LARGE1: variants seen among roughly 807,000 people sequenced by gnomAD.
LARGE1 encodes the protein xylosyl- and glucuronyltransferase LARGE1.
LARGE1 carries 43 observed loss-of-function variants against 87.6 expected under a neutral mutation model. That is an observed-to-expected ratio of 0.49 (90% confidence interval 0.38 to 0.63). The LOEUF is 0.63. Among genes scored for constraint, LARGE1 ranks in the 30% least tolerant of loss-of-function variants. The pLI is 0.00. For synonymous variants in LARGE1, 434 were observed against 394.6 expected, an observed-to-expected ratio of 1.10 and a Z score of -1.18; for missense variants, 802 against 1,000.2, an observed-to-expected ratio of 0.80 and a Z score of 2.67.
At chr22:33,147,906 T>A in the LARGE1 span, among the ~76,000 whole-genome samples, 2 of 152,188 alleles carry the variant, frequency 1.3e-5, no homozygotes, top group African/African-American at 2.4e-5. Context: ...CTGTTCCCCA[T>A]CTGCTATGGT....
chr22:33,362,490 C>G (rs535093965), intron 9 of LARGE1, among the ~76,000 whole-genome samples: 1 of 149,670 alleles, frequency 6.7e-6, no homozygotes, highest in Non-Finnish European at 1.5e-5. Context: ...TCTTAACCAA[C>G]CTCTACTTAG....
chr22:33,705,553 C>T (rs2082536491), intron 2 of LARGE1, among the ~76,000 whole-genome samples: 1 of 152,198 alleles, frequency 6.6e-6, no homozygotes, highest in Admixed American at 6.5e-5. Flanking sequence ...CCCCATTTCA[C>T]TGATGAGGAA....
intron 1 of LARGE1, among the ~76,000 whole-genome samples, chr22:33,786,239 A>G (rs1263211931): frequency 6.6e-6 from 1 of 152,174 alleles, no homozygotes; most frequent in Non-Finnish European, 1.5e-5. Context: ...TTTTTACTAT[A>G]CATTCATTTT....
chr22:33,595,692 T>C (rs930647967), intron 5 of LARGE1, among the ~76,000 whole-genome samples: 3 of 152,242 alleles, frequency 2.0e-5, no homozygotes, highest in African/African-American at 7.2e-5. Context: ...ATGCACACTG[T>C]GTAGCTCAAA....
chr22:33,846,490 A>C (rs1255284527), intron 1 of LARGE1, among the ~76,000 whole-genome samples: 1 of 152,154 alleles, frequency 6.6e-6, no homozygotes. Context: ...AACAATATGA[A>C]ATCTGGGCAC....
chr22:33,852,762 A>C (rs2063632809), intron 1 of LARGE1, among the ~76,000 whole-genome samples: 1 of 148,510 alleles, frequency 6.7e-6, no homozygotes, highest in Non-Finnish European at 1.5e-5. Flanking sequence ...AGGCTGAGGC[A>C]GGAGAATTGC....
chr22:33,424,233 G>A (rs1312055262), intron 7 of LARGE1, among the ~76,000 whole-genome samples: 1 of 152,196 alleles, frequency 6.6e-6, no homozygotes. Context: ...AACAGTGAGC[G>A]GAAGTTTACA....
chr22:33,602,807 C>T (rs773256621), intron 5 of LARGE1, among the ~76,000 whole-genome samples: 4 of 152,188 alleles, frequency 2.6e-5, no homozygotes, highest in African/African-American at 7.2e-5. Flanking sequence ...GCCACTACGC[C>T]CAGCACACTT....
chr22:33,350,071 G>A (rs1185722709), intron 9 of LARGE1, among the ~76,000 whole-genome samples: 1 of 152,174 alleles, frequency 6.6e-6, no homozygotes, highest in Non-Finnish European at 1.5e-5. Flanking sequence ...AGAGGCTAAG[G>A]AGGGGATAAA....
At chr22:33,305,864 G>A (rs141974887) in intron 11 of LARGE1, among the ~76,000 whole-genome samples, 2,096 of 139,126 alleles carry the variant, frequency 0.015, 40 homozygotes, top group East Asian at 0.051. Flanking sequence ...TTTTTGAGGC[G>A]GAGTCTTGCT....
chr22:33,716,434 A>AC (rs1199400277), intron 2 of LARGE1, among the ~76,000 whole-genome samples: 1 of 152,150 alleles, frequency 6.6e-6, no homozygotes, highest in East Asian at 1.9e-4. Flanking sequence ...ACAGAATCTC[A>AC]GTCTGTCACC....
At chr22:33,212,530 T>C (rs893579925) in intron 11 of LARGE1, among the ~76,000 whole-genome samples, 2 of 152,238 alleles carry the variant, frequency 1.3e-5, no homozygotes, top group African/African-American at 4.8e-5. Context: ...AGATTAATGT[T>C]GCTTTCATGT....
chr22:33,709,979 GAAAAAAAA>G (rs5845106), intron 2 of LARGE1, among the ~76,000 whole-genome samples: 4 of 88,792 alleles, frequency 4.5e-5, no homozygotes, highest in African/African-American at 7.8e-5. Flanking sequence ...TTGCTAGGCA[GAAAAAAAA>G]AAAAAAAAAA....
chr22:33,788,873 A>G (rs1015934059), intron 1 of LARGE1, among the ~76,000 whole-genome samples: 1 of 152,186 alleles, frequency 6.6e-6, no homozygotes, highest in African/African-American at 2.4e-5. Flanking sequence ...TATGGTTTGG[A>G]ATTGGAATTT....
the LARGE1 span, among the ~76,000 whole-genome samples, chr22:33,088,888 T>A: frequency 1.3e-5 from 2 of 152,212 alleles, no homozygotes; most frequent in African/African-American, 4.8e-5. Flanking sequence ...ACAAGGTTAA[T>A]TACAGTGTGA....
chr22:33,499,502 G>A (rs1169813535), intron 6 of LARGE1, among the ~76,000 whole-genome samples: 1 of 152,186 alleles, frequency 6.6e-6, no homozygotes, highest in East Asian at 1.9e-4. Context: ...AGCCCCAGGG[G>A]CAGATGGAAA....
intron 11 of LARGE1, among the ~76,000 whole-genome samples, chr22:33,259,158 A>ATG (rs1927482295): frequency 6.6e-6 from 1 of 152,184 alleles, no homozygotes; most frequent in Non-Finnish European, 1.5e-5. Flanking sequence ...GATTACAGGC[A>ATG]TGAGCCACTA....
intron 6 of LARGE1, among the ~76,000 whole-genome samples, chr22:33,433,090 A>C (rs966776757): frequency 6.6e-6 from 1 of 152,152 alleles, no homozygotes; most frequent in African/African-American, 2.4e-5. Context: ...CATCATGCAG[A>C]AGGCCTTCTC....
At chr22:33,152,798 A>G in the LARGE1 span, among the ~76,000 whole-genome samples, 4 of 152,112 alleles carry the variant, frequency 2.6e-5, no homozygotes, top group South Asian at 2.1e-4. Flanking sequence ...TTCATATTAC[A>G]CATATGTTAG....
Sources: allele counts gnomAD v4.1 joint callset (sites outside exome capture counted in the v4.1 genomes callset), GRCh38; gene constraint gnomAD v4.1.1; transcripts MANE v1.5; gene names NCBI Gene and HGNC (gene_info 2026-07-23, HGNC 2026-07-21).